The following DBF4B variants were observed in gnomAD, a reference collection of about 807,000 sequenced individuals.
The protein encoded by DBF4B is protein DBF4 homolog B.
Under a neutral mutation model 53.4 loss-of-function variants are expected in DBF4B, and 49 were observed. The observed-to-expected ratio is 0.92, with a 90% confidence interval of 0.73 to 1.16. DBF4B has a LOEUF of 1.16. Among genes scored for constraint, DBF4B ranks in the 50% most tolerant of loss-of-function variants. The probability of loss-of-function intolerance (pLI) is 0.00; values close to 1 mark genes in which losing one functional copy is unlikely to be tolerated. For synonymous variants in DBF4B, 257 were observed against 288.7 expected (o/e 0.89, Z 1.11); for missense variants, 692 against 775.0 (o/e 0.89, Z 1.27).
At chr17:44,723,807 C>A (rs1159775633) in intron 3 of DBF4B, among the ~76,000 whole-genome samples, 1 of 151,572 alleles carries the variant, frequency 6.6e-6, no homozygotes, top group Non-Finnish European at 1.5e-5. Context: ...AAAGATAAAT[C>A]TTTTTCCTTA....
At position 44,712,092 on chromosome 17, in the gene DBF4B, C is replaced by A. The variant is rs185164650; in HGVS notation, c.82+2726C>A. Among the ~76,000 whole-genome samples the A allele has an allele frequency of 1.8e-4, 27 of 146,800 alleles. No homozygotes were observed. The East Asian group carries it at 5.6e-3, about 30-fold the overall frequency. ...AGCCTGGGCAACAAGAATGAAACTC[C>A]ATCTCAAAAAAGAAAAAAAAAAAAA... On this transcript the variant is annotated intron_variant, in intron 2 of 13. Coordinates refer to ENST00000315005, the MANE Select transcript of DBF4B (RefSeq NM_145663.3).
Position 44,747,390 on chromosome 17 carries a change from G to C in DBF4B, c.940-1G>C, listed in dbSNP as rs139354582. On this transcript the variant is annotated splice_acceptor_variant, in intron 11 of 13. Transcript: ENST00000315005. LOFTEE classifies it high-confidence loss of function. ...CCTGTGCTCCTCTCCCCCGCCGGCA[G>C]CATCTTCAGAGTGCCCAGCACCGGA... 1 of 1,613,484 alleles carries C rather than the reference G, an allele frequency of 6.2e-7. No individual in the cohort carries two copies. The highest frequency in any genetic ancestry group is 1.3e-5 in the African/African-American group (1 of 74,908).
intron 9 of DBF4B, among the ~76,000 whole-genome samples, chr17:44,739,987 A>G (rs1001971717): frequency 7.2e-5 from 11 of 152,104 alleles, no homozygotes; most frequent in African/African-American, 2.7e-4. Context: ...CTGATCACAA[A>G]CTGGCCTCAG....
chr17:44,731,745 TGGG>T (rs1174376535), intron 5 of DBF4B: 1 of 166,690 alleles, frequency 6.0e-6, no homozygotes, highest in African/African-American at 2.4e-5. Context: ...ATGGCTGTGA[TGGG>T]GGAGGTGGTG....
rs1191397825 is a variant in DBF4B at position 44,749,226 on chromosome 17, C to T, written c.1189+761C>T. 2 of 1,290,368 alleles carry T rather than the reference C, an allele frequency of 1.5e-6. No individual in the cohort carries two copies. Among genetic ancestry groups the T allele is most frequent in the African/African-American group, 3.0e-5 (2 of 65,880 alleles). 79.9% of individuals were successfully genotyped at this position (1,290,368 alleles called of 1,614,324 possible). On this transcript the variant is annotated intron_variant, in intron 13 of 13. Transcript: ENST00000315005. The surrounding 1 kb of genome is among the most constrained non-coding windows in gnomAD (Gnocchi z 4.4). ...GATGCCTCTGGGCCCCCCAGCCTCT[C>T]CAGGTGCCCTGTCTCCCTGTCTCCC...
intron 2 of DBF4B, among the ~76,000 whole-genome samples, chr17:44,710,005 C>G (rs189879233): frequency 2.0e-5 from 3 of 151,748 alleles, no homozygotes; most frequent in Non-Finnish European, 4.4e-5. Context: ...AACCCCATCT[C>G]TACTAAAAAT....
intron 6 of DBF4B, 47 bp downstream of exon 6, chr17:44,732,312 T>C (rs1974910678): frequency 6.3e-7 from 1 of 1,593,672 alleles, no homozygotes; most frequent in African/African-American, 1.3e-5. Flanking sequence ...TTGGTGACTT[T>C]GACCAGGAGT....
chr17:44,739,290 C>G (rs1285307580), intron 9 of DBF4B, among the ~76,000 whole-genome samples: 6 of 152,184 alleles, frequency 3.9e-5, no homozygotes, highest in Non-Finnish European at 8.8e-5. Context: ...TCCAAAAAGG[C>G]ATTTTCAGAC....
At chr17:44,722,731 G>A in intron 2 of DBF4B, 149 bp from the exon 3 acceptor site, 1 of 801,578 alleles carries the variant, frequency 1.2e-6, no homozygotes, top group Non-Finnish European at 2.0e-6. Context: ...GCTTCTGAGG[G>A]TAAGGGCATT....
At chr17:44,714,279 T>A (rs1262245726) in intron 2 of DBF4B, among the ~76,000 whole-genome samples, 1 of 152,116 alleles carries the variant, frequency 6.6e-6, no homozygotes, top group Non-Finnish European at 1.5e-5. Context: ...ACTGTAGAAC[T>A]CATCCAGGTA....
intron 6 of DBF4B, 120 bp from the exon 7 acceptor site, chr17:44,733,970 C>A: frequency 1.3e-6 from 1 of 774,226 alleles, no homozygotes. Context: ...AGGTGGCAGG[C>A]AAGGCTGGAG....
At position 44,738,410 on chromosome 17, in the gene DBF4B, C is replaced by T. The variant is rs61660093; in HGVS notation, c.699C>T (p.Ile233=). ...VARLKAPFLK[I]EDESRKFRPF... ...GACTGAAGGCCCCGTTCCTCAAAATCGAAGATGAAAGCAGGTGAGTGGGAC... is the reference window on the plus strand; with the variant it reads ...GACTGAAGGCCCCGTTCCTCAAAATTGAAGATGAAAGCAGGTGAGTGGGAC... The change falls in exon 9 of 14, where the codon ATC becomes ATT. Residue 233 remains isoleucine, a synonymous_variant. Transcript: ENST00000315005. The T allele has an allele frequency of 9.9e-6, 16 of 1,613,738 alleles. 1 individual carries two copies. In the South Asian group the frequency reaches 1.1e-4, roughly 11 times the overall value.
chr17:44,735,844 A>C (rs976418147), intron 7 of DBF4B, among the ~76,000 whole-genome samples: 1 of 152,184 alleles, frequency 6.6e-6, no homozygotes, highest in Non-Finnish European at 1.5e-5. Flanking sequence ...GTGGTCATGG[A>C]TCCACCATCA....
chr17:44,713,243 G>A (rs1973051015), intron 2 of DBF4B, among the ~76,000 whole-genome samples: 1 of 149,892 alleles, frequency 6.7e-6, no homozygotes, highest in South Asian at 2.1e-4. Context: ...GGGTTTCACT[G>A]TGTTAGCCTG....
chr17:44,709,363 C>T lies in DBF4B; in HGVS notation c.79C>T (p.Leu27=), dbSNP rs756325436. Residue 27 remains leucine (L), a synonymous_variant, in exon 2 of 14, where the codon CTA becomes TTA. Transcript: ENST00000315005. ...MAESRLRAPD[L]GVSRCLGKCQ... is the part of the protein sequence containing the mutation. ...TGAGAGTAGGCTCCGGGCCCCGGAC[C>T]TAGGTGGGTAACAGGACAGAACTAG... The T allele has an allele frequency of 7.4e-6, 12 of 1,614,126 alleles. No homozygotes were observed. The East Asian group carries it at 2.7e-4, about 36-fold the overall frequency.
intron 7 of DBF4B, among the ~76,000 whole-genome samples, chr17:44,735,694 G>A (rs1005923891): frequency 6.6e-6 from 1 of 152,024 alleles, no homozygotes; most frequent in African/African-American, 2.4e-5. Context: ...AATTAGTTTT[G>A]TAGATATCTA....
At chr17:44,722,819 C>T (rs1403438162) in intron 2 of DBF4B, 61 bp from the exon 3 acceptor site, 14 of 1,592,428 alleles carry the variant, frequency 8.8e-6, no homozygotes, top group Non-Finnish European at 1.1e-5. Context: ...CAGTGAGGGC[C>T]ACCTGGCTTC....
intron 2 of DBF4B, chr17:44,720,164 TG>T: frequency 2.8e-6 from 1 of 352,748 alleles, no homozygotes; most frequent in Non-Finnish European, 5.4e-6. Context: ...AGAATCGTCC[TG>T]GAGGTGATGC....
intron 2 of DBF4B, among the ~76,000 whole-genome samples, chr17:44,720,824 C>G (rs1030234644): frequency 4.6e-5 from 7 of 151,744 alleles, no homozygotes; most frequent in Admixed American, 1.3e-4. Context: ...TATGAGGGTT[C>G]CAGTTTCTCA....
Sources: allele counts gnomAD v4.1 joint callset (sites outside exome capture counted in the v4.1 genomes callset), GRCh38; gene constraint gnomAD v4.1.1; non-coding constraint Gnocchi (gnomAD v3.1); transcripts MANE v1.5; gene names NCBI Gene and HGNC (gene_info 2026-07-23, HGNC 2026-07-21).